The following PRPF8 variants were observed in gnomAD, a reference collection of about 807,000 sequenced individuals.
The protein encoded by PRPF8 is pre-mRNA-processing-splicing factor 8.
PRPF8 carries 64 observed loss-of-function variants against 285.9 expected under a neutral mutation model. The ratio of observed to expected loss-of-function variants is 0.22; its 90% confidence interval spans 0.18 to 0.28. PRPF8 has a LOEUF of 0.28. PRPF8 is among the 10% of genes least tolerant of loss of function. The pLI is 1.00. For missense variants in PRPF8, 1,426 were observed against 3,026.7 expected (o/e 0.47, Z 12.41); for synonymous variants, 1,325 against 1,118.2 (o/e 1.18, Z -3.69).
rs565682286 is a variant in PRPF8, at chr17:1,667,604, C to T, written c.3775-5451G>A. Among the ~76,000 whole-genome samples, 4 of 133,792 alleles carry T rather than the reference C, an allele frequency of 3.0e-5. No homozygotes were observed. In the South Asian group the frequency reaches 7.0e-4, roughly 23 times the overall value. The allele number at this position is 133,792 out of a possible 152,430, so 87.8% of individuals were successfully genotyped here. The stretch of plus-strand genomic sequence containing the variant: ...TGTCACCCAGGCTGGAGTGCAGTGG[C>T]GCAATCTCAGCTCACCGCAACCTCC... On this transcript the variant is annotated intron_variant, in intron 24 of 42. Transcript: ENST00000304992.
rs1486200142 is a variant in PRPF8 at position 1,653,258 on chromosome 17, C to T, written c.6369+284G>A. ...CCCAGCCGAGTGTTGGGATTACAGGCATGAGCCAGCACGCACACCTGGTCA... is the reference window on the plus strand; with the variant it reads ...CCCAGCCGAGTGTTGGGATTACAGGTATGAGCCAGCACGCACACCTGGTCA... On this transcript the variant is annotated intron_variant, in intron 39 of 42. Coordinates refer to ENST00000304992, the MANE Select transcript of PRPF8 (RefSeq NM_006445.4). This position sits in a 1 kb window ranked among gnomAD's most constrained non-coding sequence, Gnocchi z 4.9. The T allele has an allele frequency of 5.4e-6, 3 of 553,114 alleles. No individual in the cohort carries two copies. The highest frequency in any genetic ancestry group is 9.8e-6 in the Non-Finnish European group (3 of 306,064). 34.3% of individuals were successfully genotyped at this position (553,114 alleles called of 1,614,324 possible). A position where few individuals can be genotyped will look rare whatever the true frequency, so the allele number is the denominator to read the frequency against.
rs2151129935 is a variant in PRPF8 at position 1,679,286 on chromosome 17, C to G, written c.1409+5G>C. The G allele has an allele frequency of 6.2e-7, 1 of 1,614,166 alleles. No homozygotes were observed. The highest frequency in any genetic ancestry group is 8.5e-7 in the Non-Finnish European group (1 of 1,180,030). Reference sequence around the variant, plus strand: ...AGTCTGCGCAGGGCCCCTGGGGCACCTTACCTCTTCTTTTGAGCCTTAGGG... The same window carrying G: ...AGTCTGCGCAGGGCCCCTGGGGCACGTTACCTCTTCTTTTGAGCCTTAGGG... On this transcript the variant is annotated splice_donor_5th_base_variant and intron_variant, in intron 10 of 42. Transcript: ENST00000304992. This position sits in a 1 kb window ranked among gnomAD's most constrained non-coding sequence, Gnocchi z 4.7.
In PRPF8 at chr17:1,674,517, T is replaced by C. The variant is rs2151126834; in HGVS notation, c.3224A>G (p.Gln1075Arg). The C allele has an allele frequency of 6.2e-7, 1 of 1,614,178 alleles. No individual in the cohort carries two copies. Among genetic ancestry groups the C allele is most frequent in the Non-Finnish European group, 8.5e-7 (1 of 1,180,044 alleles). ...PQMPNDFLSF[Q>R]DIATEAAHPI... ...GTGGGCAGCCTCAGTGGCTATGTCC[T>C]GGAAACTGAGAAAGTCATTTGGCAT... Residue 1075 changes from glutamine to arginine, a missense_variant, in exon 21 of 43, where the codon CAG becomes CGG. This residue lies in a region of PRPF8 where 148 missense variants were observed against 196.2 expected (regional missense o/e 0.75). Coordinates refer to ENST00000304992, the MANE Select transcript of PRPF8 (RefSeq NM_006445.4).
In PRPF8 at chr17:1,653,688, A is replaced by G; in HGVS notation, c.6228-5T>C. On this transcript the variant is annotated splice_polypyrimidine_tract_variant and splice_region_variant and intron_variant, in intron 38 of 42. Coordinates refer to ENST00000304992, the MANE Select transcript of PRPF8 (RefSeq NM_006445.4). The surrounding 1 kb of genome is among the most constrained non-coding windows in gnomAD (Gnocchi z 4.9). ...AGGTTGGCAGCAGAGATGGCCCTAA[A>G]AACAGGCAGGGAGTGTCAGCATCGC... is the stretch of plus-strand genomic sequence containing the variant. 6.2e-7 allele frequency: 1 copy of G among 1,614,084 alleles called. No individual in the cohort carries two copies. The highest frequency in any genetic ancestry group is 1.1e-5 in the South Asian group (1 of 91,078).
rs1017778891 is a variant in PRPF8, at chr17:1,684,816, A to T, written c.-48T>A. The T allele has an allele frequency of 5.4e-5, 32 of 597,634 alleles. No individual in the cohort carries two copies. The African/African-American group carries it at 5.6e-4, about 10-fold the overall frequency. The allele number at this position is 597,634 out of a possible 1,614,324, so 37.0% of individuals were successfully genotyped here. A position where few individuals can be genotyped will look rare whatever the true frequency, so the allele number is the denominator to read the frequency against. ...TCACACAAGAGGCCGCTTTCCCCGCAGCGCAATGGCGGCCAGACTGCGTCC... is the reference window on the plus strand; with the variant it reads ...TCACACAAGAGGCCGCTTTCCCCGCTGCGCAATGGCGGCCAGACTGCGTCC... On this transcript the variant is annotated 5_prime_UTR_variant, in exon 1 of 43. Transcript: ENST00000304992.
At position 1,651,583 on chromosome 17, in the gene PRPF8, TC is replaced by T; in HGVS notation, c.6511-31del. On this transcript the variant is annotated intron_variant, in intron 40 of 42. Transcript: ENST00000304992. This position sits in a 1 kb window ranked among gnomAD's most constrained non-coding sequence, Gnocchi z 5.1. ...AGGTAAAGAGGAGTACAGAGCTGAA[TC>T]CCATCCACAGACAGGAATCGCACCA... is the stretch of plus-strand genomic sequence containing the variant. 1 of 1,614,008 alleles carries T rather than the reference TC, an allele frequency of 6.2e-7. No homozygotes were observed. The highest frequency in any genetic ancestry group is 8.5e-7 in the Non-Finnish European group (1 of 1,180,006).
intron 24 of PRPF8, among the ~76,000 whole-genome samples, chr17:1,668,597 C>G: frequency 6.6e-6 from 1 of 151,802 alleles, no homozygotes; most frequent in East Asian, 1.9e-4. Context: ...CTCCTGAACT[C>G]GTGATCCACC....
Position 1,674,939 on chromosome 17 carries a change from T to C in PRPF8, c.3060+213A>G, listed in dbSNP as rs183343857. On this transcript the variant is annotated intron_variant, in intron 20 of 42. Transcript: ENST00000304992. ...GGCGCCCACCACCACACCCAACTAA[T>C]TTTTGTATTTTTTTAAGTAGAGACG... 9.2e-5 allele frequency among the ~76,000 whole-genome samples: 14 copies of C among 151,828 alleles called. No individual in the cohort carries two copies. In the East Asian group the frequency reaches 2.5e-3, roughly 27 times the overall value.
rs1170111689 is a variant in PRPF8, at chr17:1,661,474, C to A, written c.4203-68G>T. The A allele has an allele frequency of 1.9e-6, 3 of 1,612,384 alleles. No homozygotes were observed. The highest frequency in any genetic ancestry group is 2.2e-5 in the East Asian group (1 of 44,888). On this transcript the variant is annotated intron_variant, in intron 26 of 42. Transcript: ENST00000304992. The surrounding 1 kb of genome is among the most constrained non-coding windows in gnomAD (Gnocchi z 7.3). ...TGAGGAGCTCAGCACTCCTTCCTGG[C>A]CAAAAATAATTAGGGTCAGTAGAAC...
rs1348672446 is a variant in PRPF8 at position 1,653,513 on chromosome 17, C to T, written c.6369+29G>A. On this transcript the variant is annotated intron_variant, in intron 39 of 42. Coordinates refer to ENST00000304992, the MANE Select transcript of PRPF8 (RefSeq NM_006445.4). This position sits in a 1 kb window ranked among gnomAD's most constrained non-coding sequence, Gnocchi z 4.9. The stretch of plus-strand genomic sequence containing the variant: ...AGGCACAAAATGAGTTGGGCACACA[C>T]TGTGGCCTAGCTGAGTCCACTTACT... The T allele has an allele frequency of 1.4e-5, 23 of 1,614,028 alleles. No homozygotes were observed. Among genetic ancestry groups the T allele is most frequent in the Non-Finnish European group, 1.8e-5 (21 of 1,179,972 alleles).
chr17:1,651,164 C>T lies in PRPF8; in HGVS notation c.6797G>A (p.Arg2266His), dbSNP rs1360369928. The change falls in exon 42 of 43, where the codon CGT becomes CAT. Residue 2266 changes from arginine to histidine, a missense_variant. By Grantham distance (29) the Arg-to-His change is conservative (BLOSUM62 0). Around this residue, in one of 34 missense-constraint regions of PRPF8, gnomAD observed 160 missense variants for 373.7 expected, o/e 0.43. Transcript: ENST00000304992. This position sits in a 1 kb window ranked among gnomAD's most constrained non-coding sequence, Gnocchi z 5.1. ...AGGGACCATGAAGAAGCCAAGGAAA[C>T]GGTCCGACAGCAGCATCTGCACCCT... Reference protein sequence around the residue: ...YERVQMLLSDRFLGFFMVPAQ... With the variant: ...YERVQMLLSDHFLGFFMVPAQ... The T allele has an allele frequency of 1.9e-6, 3 of 1,614,188 alleles. No homozygotes were observed. The highest frequency in any genetic ancestry group is 8.5e-7 in the Non-Finnish European group (1 of 1,180,030).
chr17:1,682,417 G>A, intron 3 of PRPF8, 124 bp from the exon 4 acceptor site: 1 of 1,237,822 alleles, frequency 8.1e-7, no homozygotes, highest in Middle Eastern at 2.7e-4. Context: ...CCCAAACTTA[G>A]CCCACAGGCC....
In PRPF8 at chr17:1,673,251, G is replaced by A. The variant is rs565696279; in HGVS notation, c.3658-54C>T. ...CCGAGGAACTCCCACAGAAGCAAGA[G>A]CCAACTGTGCCCACCACTCAAGTCT... is the stretch of plus-strand genomic sequence containing the variant. On this transcript the variant is annotated intron_variant, in intron 23 of 42. Transcript: ENST00000304992. This position sits in a 1 kb window ranked among gnomAD's most constrained non-coding sequence, Gnocchi z 5.5. 15 of 1,603,298 alleles carry A rather than the reference G, an allele frequency of 9.4e-6. No individual in the cohort carries two copies. The Admixed American group carries it at 1.0e-4, about 11-fold the overall frequency.
chr17:1,680,856 A>G (rs769045457), intron 7 of PRPF8, 25 bp from the exon 8 acceptor site: 2 of 1,614,066 alleles, frequency 1.2e-6, no homozygotes, highest in Non-Finnish European at 1.7e-6. Flanking sequence ...AGAGTCAGCC[A>G]AAGTTTTCCC....
chr17:1,651,532 T>G lies in PRPF8; in HGVS notation c.6532A>C (p.Ile2178Leu). 6.2e-7 allele frequency: 1 copy of G among 1,614,060 alleles called. No homozygotes were observed. The highest frequency in any genetic ancestry group is 8.5e-7 in the Non-Finnish European group (1 of 1,180,022). Residue 2178 changes from isoleucine to leucine, a missense_variant, in exon 41 of 43, where the codon ATC (isoleucine) becomes CTC (leucine). Physicochemically the swap from Ile to Leu is conservative, Grantham distance 5. Transcript: ENST00000304992. The surrounding 1 kb of genome is among the most constrained non-coding windows in gnomAD (Gnocchi z 5.1). ...GGGGACTCATTGGGCTGAGTGTGGA[T>G]CCAACCTAAGGGTTCCATCTCCTAT... ...YLKEMEPLGW[I>L]HTQPNESPQL...
At chr17:1,683,835 T>A in intron 2 of PRPF8, 134 bp from the exon 3 acceptor site, 1 of 1,013,668 alleles carries the variant, frequency 9.9e-7, no homozygotes, top group Non-Finnish European at 1.5e-6. Flanking sequence ...CCCTTGCCAA[T>A]TCCCTTACCA....
intron 14 of PRPF8, 105 bp from the exon 15 acceptor site, chr17:1,677,277 G>GT (rs1161565264): frequency 3.3e-6 from 4 of 1,228,644 alleles, no homozygotes; most frequent in Non-Finnish European, 4.7e-6. Context: ...ATAAAATTAG[G>GT]TATTAACAAA....
At chr17:1,665,966 A>C (rs1282295832) in intron 24 of PRPF8, among the ~76,000 whole-genome samples, 1 of 149,310 alleles carries the variant, frequency 6.7e-6, no homozygotes, top group African/African-American at 2.5e-5. Flanking sequence ...GATCGAGACC[A>C]TCCTCGCAAA....
chr17:1,683,832 C>T, intron 2 of PRPF8, 131 bp from the exon 3 acceptor site: 1 of 1,027,868 alleles, frequency 9.7e-7, no homozygotes, highest in Non-Finnish European at 1.5e-6. Context: ...CACCCCTTGC[C>T]AATTCCCTTA....
Sources: allele counts gnomAD v4.1 joint callset (sites outside exome capture counted in the v4.1 genomes callset), GRCh38; gene constraint gnomAD v4.1.1; regional missense constraint gnomAD v4.1.1; non-coding constraint Gnocchi (gnomAD v3.1); transcripts MANE v1.5; gene names NCBI Gene and HGNC (gene_info 2026-07-23, HGNC 2026-07-21).